Variants in PAQR5 observed in about 807,000 individuals in gnomAD.
PAQR5 encodes the protein progestin and adipoQ receptor family member 5.
Under a neutral mutation model 34.5 loss-of-function variants are expected in PAQR5, and 20 were observed. The observed-to-expected ratio is 0.58, with a 90% CI of 0.41 to 0.84. The LOEUF is 0.84. Among genes scored for constraint, PAQR5 ranks in the 40% least tolerant of loss-of-function variants. PAQR5 has a pLI of 0.00. For synonymous variants in PAQR5, 131 were observed against 155.6 expected, an observed-to-expected ratio of 0.84 and a Z score of 1.18; for missense variants, 378 against 412.7, an observed-to-expected ratio of 0.92 and a Z score of 0.73.
chr15:69,391,561 G>A (rs1391502353), intron 6 of PAQR5: 1 of 425,618 alleles, frequency 2.3e-6, no homozygotes, highest in East Asian at 7.3e-5. Flanking sequence ...CCGGAGACCT[G>A]GGTGCATGGG....
At chr15:69,311,520 C>A (rs2053833912) in intron 1 of PAQR5, among the ~76,000 whole-genome samples, 1 of 152,198 alleles carries the variant, frequency 6.6e-6, no homozygotes, top group African/African-American at 2.4e-5. Context: ...AACTTAAAAT[C>A]CATGCTCTGA....
At chr15:69,323,661 G>GA (rs1244126411) in intron 1 of PAQR5, among the ~76,000 whole-genome samples, 1 of 152,116 alleles carries the variant, frequency 6.6e-6, no homozygotes, top group Non-Finnish European at 1.5e-5. Context: ...GAAAGAAAAA[G>GA]AAAAAAGAAT....
Position 69,300,937 on chromosome 15 carries a change from C to CTCTCTTTCCTTCTTTCTTTCTT in PAQR5, c.-277+1884_-277+1885insCTTTCCTTCTTTCTTTCTTTCT, listed in dbSNP as rs2053578922. 7.7e-4 allele frequency among the ~76,000 whole-genome samples: 4 copies of CTCTCTTTCCTTCTTTCTTTCTT among 5,188 alleles called. 2 individuals carry two copies. The highest frequency in any genetic ancestry group is 3.6e-3 in the Non-Finnish European group (4 of 1,108). The allele number at this position is 5,188 out of a possible 152,430, so 3.4% of individuals were successfully genotyped here. A position where few individuals can be genotyped will look rare whatever the true frequency, so the allele number is the denominator to read the frequency against. ...CCTTTCTCTCTCTCTCTCTCTCTCT[C>CTCTCTTTCCTTCTTTCTTTCTT]TCTTTCTTTCCTTCTTTCTTTCTTT... On this transcript the variant is annotated intron_variant, in intron 1 of 8. Coordinates refer to ENST00000395407, the MANE Select transcript of PAQR5 (RefSeq NM_017705.4).
intron 6 of PAQR5, chr15:69,391,790 C>T: frequency 2.3e-6 from 1 of 430,524 alleles, no homozygotes; most frequent in East Asian, 7.2e-5. Context: ...GGTGCAGTGG[C>T]TCACACCTGT....
At chr15:69,368,645 C>T (rs1158860375) in intron 3 of PAQR5, among the ~76,000 whole-genome samples, 1 of 152,210 alleles carries the variant, frequency 6.6e-6, no homozygotes, top group Non-Finnish European at 1.5e-5. Flanking sequence ...CTCTGGACTG[C>T]ATTCTGGGTA....
intron 2 of PAQR5, among the ~76,000 whole-genome samples, chr15:69,345,826 G>T (rs2054754883): frequency 6.6e-6 from 1 of 152,210 alleles, no homozygotes; most frequent in African/African-American, 2.4e-5. Context: ...CCAGGTACTT[G>T]GGAAGCTGAG....
At chr15:69,343,202 C>T (rs2054684955) in intron 2 of PAQR5, among the ~76,000 whole-genome samples, 1 of 152,278 alleles carries the variant, frequency 6.6e-6, no homozygotes, top group East Asian at 1.9e-4. Flanking sequence ...TTGCATTACC[C>T]GACTATGAGT....
chr15:69,396,467 A>C (rs769773705), intron 6 of PAQR5, among the ~76,000 whole-genome samples: 1 of 152,100 alleles, frequency 6.6e-6, no homozygotes, highest in Non-Finnish European at 1.5e-5. Context: ...CAAGAGCCTC[A>C]GCGTGTGGCT....
chr15:69,403,540 T>C, intron 8 of PAQR5, 41 bp from the exon 9 acceptor site: 1 of 1,606,936 alleles, frequency 6.2e-7, no homozygotes, highest in South Asian at 1.1e-5. Context: ...TACTCATTCC[T>C]TTTCATTGCT....
intron 1 of PAQR5, among the ~76,000 whole-genome samples, chr15:69,325,708 C>G (rs2054235335): frequency 1.3e-5 from 2 of 152,206 alleles, no homozygotes; most frequent in Admixed American, 1.3e-4. Flanking sequence ...TTAACCCAAG[C>G]AGCCTACCAA....
rs1388118021 is a variant in PAQR5 at position 69,406,354 on chromosome 15, C to A, written c.*2532C>A. The A allele has an allele frequency of 6.6e-6, 1 of 152,194 alleles. No homozygotes were observed. The highest frequency in any genetic ancestry group is 2.4e-5 in the African/African-American group (1 of 41,432). 9.4% of individuals were successfully genotyped at this position (152,194 alleles called of 1,614,324 possible). ...AATAAGGCCATTCAGTTAACTTTAC[C>A]TCCCTTTACCCATTGAAGGGGTTCC... On this transcript the variant is annotated 3_prime_UTR_variant, in exon 9 of 9. Coordinates refer to ENST00000395407, the MANE Select transcript of PAQR5 (RefSeq NM_017705.4).
Position 69,339,168 on chromosome 15 carries a change from A to ACCCCCCCC in PAQR5, c.-116+1668_-116+1669insCCCCCCCC, listed in dbSNP as rs111647955. Among the ~76,000 whole-genome samples the ACCCCCCCC allele has an allele frequency of 7.8e-4, 104 of 134,058 alleles. 3 individuals carry two copies. The highest frequency in any genetic ancestry group is 4.0e-3 in the Middle Eastern group (1 of 250). The allele number at this position is 134,058 out of a possible 152,430, so 87.9% of individuals were successfully genotyped here. On this transcript the variant is annotated intron_variant, in intron 2 of 8. Transcript: ENST00000395407. Reference sequence around the variant, plus strand: ...AGTCACCACTCCTGGCCCACTGGCTACACCCCCCACCCCGCCACCAAGTTA... The same window carrying ACCCCCCCC: ...AGTCACCACTCCTGGCCCACTGGCTACCCCCCCCCACCCCCCACCCCGCCACCAAGTTA...
In PAQR5 at chr15:69,403,931, G is replaced by A. The variant is rs1019007396; in HGVS notation, c.*109G>A. ...ATCATGGCCTAAAATATTCATAATGGTTGGTGTCTTTTGAATGAATTCATG... is the reference window on the plus strand; with the variant it reads ...ATCATGGCCTAAAATATTCATAATGATTGGTGTCTTTTGAATGAATTCATG... On this transcript the variant is annotated 3_prime_UTR_variant, in exon 9 of 9. Transcript: ENST00000395407. 1.7e-6 allele frequency: 2 copies of A among 1,181,114 alleles called. No individual in the cohort carries two copies. Among genetic ancestry groups the A allele is most frequent in the African/African-American group, 1.5e-5 (1 of 65,278 alleles). The allele number at this position is 1,181,114 out of a possible 1,614,324, so 73.2% of individuals were successfully genotyped here.
chr15:69,313,749 C>T (rs537554568), intron 1 of PAQR5, among the ~76,000 whole-genome samples: 3 of 151,988 alleles, frequency 2.0e-5, no homozygotes, highest in Admixed American at 6.6e-5. Flanking sequence ...CAGTGGATGG[C>T]GACTGGTCAC....
At chr15:69,311,460 T>C (rs1332889908) in intron 1 of PAQR5, among the ~76,000 whole-genome samples, 1 of 152,178 alleles carries the variant, frequency 6.6e-6, no homozygotes, top group Non-Finnish European at 1.5e-5. Flanking sequence ...GTGTGGCATT[T>C]GTTAGTCACA....
chr15:69,398,355 C>T (rs1347323312), intron 7 of PAQR5, among the ~76,000 whole-genome samples: 1 of 152,086 alleles, frequency 6.6e-6, no homozygotes, highest in African/African-American at 2.4e-5. Flanking sequence ...AAATTCTGGC[C>T]CCACTGCTCA....
Position 69,356,731 on chromosome 15 carries a change from TACA to T in PAQR5, c.-115-3231_-115-3229del, listed in dbSNP as rs1013605464. On this transcript the variant is annotated intron_variant, in intron 2 of 8. Coordinates refer to ENST00000395407, the MANE Select transcript of PAQR5 (RefSeq NM_017705.4). ...CAGGTGCCTTGTACCTGTGGAATTGTACAACATTTGTCCTTTTGTAAGTGGCTC... is the reference window on the plus strand; with the variant it reads ...CAGGTGCCTTGTACCTGTGGAATTGTACATTTGTCCTTTTGTAAGTGGCTC... Among the ~76,000 whole-genome samples the T allele has an allele frequency of 1.9e-4, 29 of 152,334 alleles. 1 individual carries two copies. Among genetic ancestry groups the T allele is most frequent in the Admixed American group, 3.9e-4 (6 of 15,302 alleles).
chr15:69,300,872 T>C (rs184695831), intron 1 of PAQR5, among the ~76,000 whole-genome samples: 1 of 23,048 alleles, frequency 4.3e-5, no homozygotes, highest in African/African-American at 1.2e-4. Flanking sequence ...TTTCTTTCTT[T>C]CTTTCTTTCT....
intron 1 of PAQR5, among the ~76,000 whole-genome samples, chr15:69,317,158 G>A (rs1433850214): frequency 2.0e-5 from 3 of 152,230 alleles, no homozygotes; most frequent in South Asian, 2.1e-4. Flanking sequence ...CAATAGTGGT[G>A]TTTCAAATCA....
Sources: allele counts gnomAD v4.1 joint callset (sites outside exome capture counted in the v4.1 genomes callset), GRCh38; gene constraint gnomAD v4.1.1; transcripts MANE v1.5; gene names NCBI Gene and HGNC (gene_info 2026-07-23, HGNC 2026-07-21).